The following CCDC7 variants were observed in gnomAD, a reference collection of about 807,000 sequenced individuals.
CCDC7 encodes coiled-coil domain-containing protein 7.
In CCDC7, 183 loss-of-function variants were observed where a neutral mutation model predicts 196.9. The ratio of observed to expected loss-of-function variants is 0.93; its 90% CI spans 0.82 to 1.05. The LOEUF (loss-of-function observed/expected upper bound fraction) is 1.05, where lower values mean the gene tolerates loss of function less well. Among genes scored for constraint, CCDC7 ranks in the 50% least tolerant of loss-of-function variants. CCDC7 has a pLI of 0.00. For missense variants in CCDC7, 1,540 were observed against 1,482.2 expected, an observed-to-expected ratio of 1.04 and a Z score of -0.64; for synonymous variants, 525 against 484.6, an observed-to-expected ratio of 1.08 and a Z score of -1.10.
At chr10:32,774,117 C>T (rs1052464879) in intron 28 of CCDC7, among the ~76,000 whole-genome samples, 1 of 152,212 alleles carries the variant, frequency 6.6e-6, no homozygotes, top group Non-Finnish European at 1.5e-5. Context: ...GGAGGCTTCA[C>T]ATGAATATGT....
intron 24 of CCDC7, among the ~76,000 whole-genome samples, chr10:32,698,345 A>G (rs533013964): frequency 1.4e-4 from 22 of 152,320 alleles, no homozygotes; most frequent in African/African-American, 4.8e-4. Context: ...CTGGACGGAG[A>G]ATGACTTTGA....
At chr10:32,639,775 C>T (rs1161563359) in intron 20 of CCDC7, among the ~76,000 whole-genome samples, 8 of 152,004 alleles carry the variant, frequency 5.3e-5, no homozygotes, top group African/African-American at 1.2e-4. Context: ...ACTACAGGTG[C>T]CCGCCAGCAC....
downstream of CCDC7, among the ~76,000 whole-genome samples, chr10:32,880,231 A>G (rs1341565587): frequency 1.3e-5 from 2 of 152,044 alleles, no homozygotes; most frequent in East Asian, 3.9e-4. Context: ...TTGACTTTTT[A>G]ATAATCGCCA....
intron 40 of CCDC7, among the ~76,000 whole-genome samples, chr10:32,853,806 A>AT (rs1307769350): frequency 6.6e-6 from 1 of 152,104 alleles, no homozygotes; most frequent in African/African-American, 2.4e-5. Flanking sequence ...AATTATTCAC[A>AT]TTTTTTACTG....
intron 9 of CCDC7, among the ~76,000 whole-genome samples, chr10:32,495,844 C>G (rs2042836378): frequency 6.6e-6 from 1 of 152,110 alleles, no homozygotes; most frequent in Non-Finnish European, 1.5e-5. Context: ...CAGCTTTATT[C>G]TTTTTGCTTA....
chr10:32,759,096 A>G (rs1439191645), intron 28 of CCDC7, among the ~76,000 whole-genome samples: 1 of 152,156 alleles, frequency 6.6e-6, no homozygotes, highest in African/African-American at 2.4e-5. Flanking sequence ...ATAAAAGAGG[A>G]CTCAAACAAA....
chr10:32,602,034 T>A (rs898336722), intron 18 of CCDC7, among the ~76,000 whole-genome samples: 12 of 152,174 alleles, frequency 7.9e-5, no homozygotes, highest in African/African-American at 2.6e-4. Flanking sequence ...GGAAGCTTTG[T>A]TTTTTTGCTC....
intron 20 of CCDC7, among the ~76,000 whole-genome samples, chr10:32,658,034 G>C (rs2070356064): frequency 1.3e-5 from 2 of 152,236 alleles, no homozygotes; most frequent in South Asian, 2.1e-4. Context: ...ACCACCTCAG[G>C]CTGGACTTCA....
chr10:32,540,078 A>T (rs1057054389), intron 11 of CCDC7, among the ~76,000 whole-genome samples: 1 of 152,048 alleles, frequency 6.6e-6, no homozygotes, highest in East Asian at 1.9e-4. Flanking sequence ...TTCTGCCTCA[A>T]TGGTCTAATA....
At chr10:32,456,077 C>A (rs1202186553) in intron 2 of CCDC7, among the ~76,000 whole-genome samples, 174 bp from the exon 4 acceptor site, 2 of 152,014 alleles carry the variant, frequency 1.3e-5, no homozygotes, top group Non-Finnish European at 2.9e-5. Context: ...CATATTTTTT[C>A]TTTGGGAGAA....
chr10:32,450,945 C>A (rs2032898936), upstream of CCDC7, among the ~76,000 whole-genome samples: 1 of 151,848 alleles, frequency 6.6e-6, no homozygotes, highest in Admixed American at 6.6e-5. Context: ...ATTTTTTGTT[C>A]TTGTTGTTTT....
chr10:32,730,415 T>A (rs192223671), intron 28 of CCDC7, among the ~76,000 whole-genome samples: 104 of 152,208 alleles, frequency 6.8e-4, no homozygotes, highest in African/African-American at 2.2e-3. Context: ...CCATTTTTTA[T>A]CATCATACAT....
chr10:32,846,511 G>A (rs2093304186), intron 37 of CCDC7, 52 bp downstream of exon 38: 1 of 1,152,356 alleles, frequency 8.7e-7, no homozygotes, highest in South Asian at 1.4e-5. Flanking sequence ...TATGTTCCCT[G>A]AGTTAAATTA....
Position 32,582,106 on chromosome 10 carries a change from C to CTATATATATATATATA in CCDC7, c.1455-909_1455-894dup, listed in dbSNP as rs6143863. Among the ~76,000 whole-genome samples the CTATATATATATATATA allele has an allele frequency of 5.6e-3, 577 of 103,560 alleles. 13 individuals are homozygous for CTATATATATATATATA. The highest frequency in any genetic ancestry group is 8.6e-3 in the Non-Finnish European group (391 of 45,610). 67.9% of individuals were successfully genotyped at this position (103,560 alleles called of 152,430 possible). On this transcript the variant is annotated intron_variant, in intron 16 of 41. Coordinates refer to ENST00000639629, the Ensembl canonical transcript of CCDC7. Reference sequence around the variant, plus strand: ...TCTATGTTTTTTTAAACTGTCAGCACTATATATATATATATATATATATAT... The same window carrying CTATATATATATATATA: ...TCTATGTTTTTTTAAACTGTCAGCACTATATATATATATATATATATATATATATATATATATATAT...
intron 28 of CCDC7, among the ~76,000 whole-genome samples, chr10:32,766,576 C>G (rs967306618): frequency 2.0e-5 from 3 of 152,056 alleles, no homozygotes; most frequent in Non-Finnish European, 4.4e-5. Flanking sequence ...AATAATTATC[C>G]TTTTTGTAAA....
chr10:32,820,500 A>G (rs2089947960), intron 31 of CCDC7, among the ~76,000 whole-genome samples: 1 of 152,182 alleles, frequency 6.6e-6, no homozygotes, highest in Non-Finnish European at 1.5e-5. Flanking sequence ...AAGAGCCCAC[A>G]TTGCCAAGTC....
intron 30 of CCDC7, among the ~76,000 whole-genome samples, chr10:32,812,731 C>T (rs12255923): frequency 0.019 from 2,933 of 152,236 alleles, 97 homozygotes; most frequent in African/African-American, 0.067. Context: ...GTCTCCAGCA[C>T]ATACCTTTTA....
At chr10:32,786,068 G>A (rs2081821107) in intron 29 of CCDC7, among the ~76,000 whole-genome samples, 1 of 152,134 alleles carries the variant, frequency 6.6e-6, no homozygotes, top group South Asian at 2.1e-4. Context: ...TACTGTGAAA[G>A]GTGTTTGATG....
intron 24 of CCDC7, among the ~76,000 whole-genome samples, chr10:32,706,935 G>A (rs1005624757): frequency 1.2e-4 from 18 of 152,122 alleles, no homozygotes; most frequent in African/African-American, 4.3e-4. Context: ...ATTCCAATCA[G>A]TAGAAAAAGA....
Sources: allele counts gnomAD v4.1 joint callset (sites outside exome capture counted in the v4.1 genomes callset), GRCh38; gene constraint gnomAD v4.1.1; transcripts MANE v1.5; gene names NCBI Gene and HGNC (gene_info 2026-07-23, HGNC 2026-07-21).